The following CASS4 variants were observed in gnomAD, a reference collection of about 807,000 sequenced individuals.
CASS4 encodes the protein cas scaffolding protein family member 4.
A neutral mutation model predicts 54.2 loss-of-function variants in CASS4; 22 were observed. The ratio of observed to expected loss-of-function variants is 0.41; its 90% CI spans 0.29 to 0.58. The LOEUF is 0.58. CASS4 is among the 20% of genes least tolerant of loss of function. The pLI is 0.36. For synonymous variants in CASS4, 409 were observed against 391.5 expected (o/e 1.04, Z -0.53); for missense variants, 854 against 986.7 (o/e 0.87, Z 1.80).
In CASS4 at chr20:56,437,530, G is replaced by C. The variant is rs146715351; in HGVS notation, c.403G>C (p.Asp135His). 14 of 1,578,234 alleles carry C rather than the reference G, an allele frequency of 8.9e-6. No individual in the cohort carries two copies. In the East Asian group the frequency reaches 2.9e-4, roughly 33 times the overall value. ...TACTGCCCAAGTCTATGAATTCCCCGACCCTCCCACCAGTGCCAGAATCAT... is the reference window on the plus strand; with the variant it reads ...TACTGCCCAAGTCTATGAATTCCCCCACCCTCCCACCAGTGCCAGAATCAT... Reference protein sequence around the residue: ...PPTAQVYEFPDPPTSARIICE... With the variant: ...PPTAQVYEFPHPPTSARIICE... Residue 135 changes from aspartate to histidine, a missense_variant, in exon 2 of 6, where the codon GAC becomes CAC. Asp to His is a moderately conservative substitution (Grantham distance 81, BLOSUM62 -1). Coordinates refer to ENST00000679887, the MANE Select transcript of CASS4 (RefSeq NM_020356.4). This position sits in a 1 kb window ranked among gnomAD's most constrained non-coding sequence, Gnocchi z 4.7.
At chr20:56,444,529 A>T (rs2146288152) in intron 2 of CASS4, among the ~76,000 whole-genome samples, 1 of 152,278 alleles carries the variant, frequency 6.6e-6, no homozygotes, top group Admixed American at 6.5e-5. Flanking sequence ...CTACTCTAGA[A>T]AAATGTGCGC....
chr20:56,431,772 A>G (rs1226118463), intron 1 of CASS4, among the ~76,000 whole-genome samples: 5 of 152,242 alleles, frequency 3.3e-5, no homozygotes, highest in African/African-American at 9.6e-5. Flanking sequence ...GTCTAAAGAT[A>G]TGCACTATCT....
Position 56,452,662 on chromosome 20 carries a change from T to G in CASS4, c.1486T>G (p.Phe496Val). The change falls in exon 5 of 6, where the codon TTT becomes GTT. Residue 496 changes from phenylalanine to valine, a missense_variant. Physicochemically the swap from Phe to Val is conservative, Grantham distance 50. Coordinates refer to ENST00000679887, the MANE Select transcript of CASS4 (RefSeq NM_020356.4). ...IEESVREFLD[F>V]ARGVHGTACN... is the part of the protein sequence containing the mutation. ...AGAATCTGTAAGAGAATTTCTGGAT[T>G]TTGCCCGAGGAGTCCATGGGACTGC... 1.2e-6 allele frequency: 2 copies of G among 1,614,186 alleles called. No homozygotes were observed. The highest frequency in any genetic ancestry group is 1.7e-6 in the Non-Finnish European group (2 of 1,180,026).
chr20:56,440,342 A>G (rs766965284), intron 2 of CASS4, among the ~76,000 whole-genome samples: 10 of 152,234 alleles, frequency 6.6e-5, no homozygotes, highest in Non-Finnish European at 1.3e-4. Flanking sequence ...AACTGAAGTT[A>G]ACTTGAATTT....
At position 56,414,192 on chromosome 20, in the gene CASS4, A is replaced by G. The variant is rs961629064; in HGVS notation, c.36+1698A>G. On this transcript the variant is annotated intron_variant, in intron 1 of 5. Coordinates refer to ENST00000679887, the MANE Select transcript of CASS4 (RefSeq NM_020356.4). This position sits in a 1 kb window ranked among gnomAD's most constrained non-coding sequence, Gnocchi z 4.1. Reference sequence around the variant, plus strand: ...ATTCTACTATTCAGTCCACATTCACATTTTCCAAAATTATCCTTTTTAGCT... The same window carrying G: ...ATTCTACTATTCAGTCCACATTCACGTTTTCCAAAATTATCCTTTTTAGCT... 2.5e-4 allele frequency among the ~76,000 whole-genome samples: 38 copies of G among 151,850 alleles called. No homozygotes were observed. Among genetic ancestry groups the G allele is most frequent in the African/African-American group, 6.8e-4 (28 of 41,318 alleles).
chr20:56,437,622 GGGTA>G lies in CASS4; in HGVS notation c.459+37_459+40del. The G allele has an allele frequency of 6.7e-7, 1 of 1,500,648 alleles. No individual in the cohort carries two copies. The highest frequency in any genetic ancestry group is 8.9e-7 in the Non-Finnish European group (1 of 1,122,388). 93.0% of individuals were successfully genotyped at this position (1,500,648 alleles called of 1,614,324 possible). A position where few individuals can be genotyped will look rare whatever the true frequency, so the allele number is the denominator to read the frequency against. The stretch of plus-strand genomic sequence containing the variant: ...TTCCACCTACTAGACATGGGTTGAG[GGGTA>G]TGGAAACACCCAGAGGCCTAACTAC... On this transcript the variant is annotated intron_variant, in intron 2 of 5. Transcript: ENST00000679887. The surrounding 1 kb of genome is among the most constrained non-coding windows in gnomAD (Gnocchi z 4.7).
chr20:56,426,012 A>G (rs1240094702), intron 1 of CASS4, among the ~76,000 whole-genome samples: 1 of 152,198 alleles, frequency 6.6e-6, no homozygotes, highest in Non-Finnish European at 1.5e-5. Context: ...TAATGGCTAC[A>G]TTGTACTCCA....
intron 2 of CASS4, among the ~76,000 whole-genome samples, chr20:56,441,589 G>A (rs1980462591): frequency 6.6e-6 from 1 of 152,026 alleles, no homozygotes; most frequent in East Asian, 2.0e-4. Flanking sequence ...TGGGTGACAA[G>A]AGGAAAACTC....
intron 5 of CASS4, 98 bp from the exon 6 acceptor site, chr20:56,458,242 A>C: frequency 8.1e-7 from 1 of 1,238,376 alleles, no homozygotes. Flanking sequence ...TTTTAAAAAA[A>C]ATAAAAAGTC....
intron 1 of CASS4, among the ~76,000 whole-genome samples, chr20:56,435,382 G>A (rs1220562126): frequency 2.0e-5 from 3 of 152,198 alleles, no homozygotes; most frequent in African/African-American, 7.2e-5. Flanking sequence ...AAAACAACTG[G>A]AAGGATAAAT....
At chr20:56,415,362 A>G (rs373489632) in intron 1 of CASS4, among the ~76,000 whole-genome samples, 5 of 152,262 alleles carry the variant, frequency 3.3e-5, no homozygotes, top group East Asian at 1.9e-4. Context: ...GTACCAGGAA[A>G]CACCCAAGTT....
intron 1 of CASS4, among the ~76,000 whole-genome samples, chr20:56,435,562 T>A (rs1330500973): frequency 6.6e-6 from 1 of 152,092 alleles, no homozygotes; most frequent in African/African-American, 2.4e-5. Context: ...GTAATTACAG[T>A]GGAAAGTTCA....
chr20:56,420,046 AAAAC>A (rs545402902), intron 1 of CASS4, among the ~76,000 whole-genome samples: 104 of 152,276 alleles, frequency 6.8e-4, no homozygotes, highest in African/African-American at 2.3e-3. Flanking sequence ...CTCCATCTCA[AAAAC>A]AAACAAACAA....
At chr20:56,441,891 A>G (rs1289585490) in intron 2 of CASS4, among the ~76,000 whole-genome samples, 1 of 152,224 alleles carries the variant, frequency 6.6e-6, no homozygotes, top group Non-Finnish European at 1.5e-5. Flanking sequence ...GGAAGGAGCT[A>G]GAAGAACTTG....
At chr20:56,432,218 C>A (rs1173435675) in intron 1 of CASS4, among the ~76,000 whole-genome samples, 1 of 152,022 alleles carries the variant, frequency 6.6e-6, no homozygotes, top group East Asian at 1.9e-4. Context: ...AGATAATAAA[C>A]CTTTCAGATT....
rs761910658 is a variant in CASS4, at chr20:56,452,349, A to G, written c.1173A>G (p.Pro391=). 1.1e-5 allele frequency: 17 copies of G among 1,613,862 alleles called. No homozygotes were observed. Among genetic ancestry groups the G allele is most frequent in the Non-Finnish European group, 1.4e-5 (16 of 1,180,042 alleles). The part of the protein sequence containing the change: ...SSWFSRRTTS[P]SPEPDRLSGS... ...GGTTCTCCAGACGGACAACTTCCCCATCTCCTGAACCGGACAGATTATCAG... is the reference window on the plus strand; with the variant it reads ...GGTTCTCCAGACGGACAACTTCCCCGTCTCCTGAACCGGACAGATTATCAG... Residue 391 remains proline (P), a synonymous_variant, in exon 5 of 6, where the codon CCA becomes CCG. Coordinates refer to ENST00000679887, the MANE Select transcript of CASS4 (RefSeq NM_020356.4).
At chr20:56,418,454 C>T (rs1979252652) in intron 1 of CASS4, among the ~76,000 whole-genome samples, 1 of 152,162 alleles carries the variant, frequency 6.6e-6, no homozygotes, top group Admixed American at 6.5e-5. Flanking sequence ...AAGGAAACCA[C>T]CAGCCCACTT....
chr20:56,415,170 T>C (rs1015660039), intron 1 of CASS4, among the ~76,000 whole-genome samples: 1 of 152,162 alleles, frequency 6.6e-6, no homozygotes, highest in Non-Finnish European at 1.5e-5. Context: ...AGTCAGATAG[T>C]ATTTTATGCT....
At chr20:56,444,344 CT>C (rs1980605759) in intron 2 of CASS4, among the ~76,000 whole-genome samples, 1 of 152,132 alleles carries the variant, frequency 6.6e-6, no homozygotes. Context: ...GGAAAGCCCC[CT>C]ACTGAGCAAC....
Sources: gnomAD v4.1 joint callset for allele counts (sites outside exome capture counted in the v4.1 genomes callset) on GRCh38, gnomAD v4.1.1 for gene constraint, Gnocchi (gnomAD v3.1) non-coding constraint, MANE v1.5 for transcripts, NCBI Gene and HGNC (gene_info 2026-07-23, HGNC 2026-07-21) for gene names.